Variants in CCSER1 observed in about 807,000 individuals in gnomAD.
The protein encoded by CCSER1 is serine-rich coiled-coil domain-containing protein 1.
Under a neutral mutation model 82.0 loss-of-function variants are expected in CCSER1, and 41 were observed. That is an observed-to-expected ratio of 0.50 (90% CI 0.39 to 0.65). CCSER1 has a LOEUF of 0.65. Ranked by LOEUF, CCSER1 falls within the 30% of genes least tolerant of loss-of-function variation. The pLI, the probability that CCSER1 is intolerant of heterozygous loss-of-function variation, is 0.00. For synonymous variants in CCSER1, 414 were observed against 383.9 expected (o/e 1.08, Z -0.92); for missense variants, 1,119 against 1,064.2 (o/e 1.05, Z -0.72).
Position 91,599,030 on chromosome 4 carries a change from G to A in CCSER1, c.2676G>A (p.Leu892=). ...ACCACAATTTACACAGCACTGAGCT[G>A]CAAACTCTAGGCCAGCAGGATGGGT... ...FLHHNLHSTE[L]QTLGQQDG Residue 892 remains leucine (L), a synonymous_variant, in exon 11 of 11, where the codon CTG becomes CTA. Coordinates refer to ENST00000509176, the MANE Select transcript of CCSER1 (RefSeq NM_001145065.2). 6.5e-7 allele frequency: 1 copy of A among 1,545,864 alleles called. No homozygotes were observed.
chr4:90,299,086 C>G (rs920950343), intron 1 of CCSER1, among the ~76,000 whole-genome samples: 5 of 150,976 alleles, frequency 3.3e-5, no homozygotes, highest in African/African-American at 9.7e-5. Context: ...TTATGTCTTT[C>G]TAAATATATA....
In CCSER1 at chr4:91,441,392, C is replaced by A. The variant is rs1357181209; in HGVS notation, c.2218-157180C>A. On this transcript the variant is annotated intron_variant, in intron 10 of 10. Transcript: ENST00000509176. ...AACCACATGATTATCTCAATAGATG[C>A]AGAAAAGGCCTTTGACAAAATTCAA... 4.8e-5 allele frequency among the ~76,000 whole-genome samples: 7 copies of A among 146,994 alleles called. No individual in the cohort carries two copies. In the East Asian group the frequency reaches 1.4e-3, roughly 30 times the overall value.
intron 5 of CCSER1, among the ~76,000 whole-genome samples, chr4:90,594,605 C>G (rs1783092553): frequency 6.6e-6 from 1 of 152,070 alleles, no homozygotes; most frequent in South Asian, 2.1e-4. Context: ...CATTTCTTCA[C>G]TATATTATGT....
At chr4:90,584,448 G>A (rs7688318) in intron 5 of CCSER1, among the ~76,000 whole-genome samples, 2,629 of 152,198 alleles carry the variant, frequency 0.017, 78 homozygotes, top group African/African-American at 0.057. Flanking sequence ...AAAAGCTTGG[G>A]GGTGAATTTC....
chr4:91,319,599 T>A (rs1034702645), intron 10 of CCSER1: 11 of 451,446 alleles, frequency 2.4e-5, no homozygotes, highest in Non-Finnish European at 4.4e-5. Context: ...GAAGCAATAG[T>A]TGGTGCAGAA....
chr4:90,771,363 G>GGACC (rs1165053565), intron 7 of CCSER1, among the ~76,000 whole-genome samples: 2 of 150,906 alleles, frequency 1.3e-5, no homozygotes, highest in Non-Finnish European at 3.0e-5. Flanking sequence ...TATTATTGAG[G>GGACC]GACCACTTTT....
In CCSER1 at chr4:90,683,740, A is replaced by G. The variant is rs77043537; in HGVS notation, c.1933-40174A>G. Among the ~76,000 whole-genome samples the G allele has an allele frequency of 6.0e-4, 91 of 152,218 alleles. 1 individual carries two copies. In the East Asian group the frequency reaches 0.014, roughly 24 times the overall value. ...GAAAATAGCATACCTATTTAAATCAAGAAAAGGTAGTTTTTCTTTAAAATG... is the reference window on the plus strand; with the variant it reads ...GAAAATAGCATACCTATTTAAATCAGGAAAAGGTAGTTTTTCTTTAAAATG... On this transcript the variant is annotated intron_variant, in intron 6 of 10. Coordinates refer to ENST00000509176, the MANE Select transcript of CCSER1 (RefSeq NM_001145065.2).
At chr4:91,124,694 C>G (rs138236559) in intron 10 of CCSER1, among the ~76,000 whole-genome samples, 1 of 151,742 alleles carries the variant, frequency 6.6e-6, no homozygotes, top group Non-Finnish European at 1.5e-5. Context: ...TTTTTATATT[C>G]CAGTGCCTAG....
At chr4:90,140,016 TC>T (rs1251851851) in intron 1 of CCSER1, among the ~76,000 whole-genome samples, 2 of 151,994 alleles carry the variant, frequency 1.3e-5, no homozygotes, top group Non-Finnish European at 2.9e-5. Context: ...GCAAAAGATC[TC>T]GGTAATCATC....
intron 10 of CCSER1, among the ~76,000 whole-genome samples, chr4:91,356,352 G>T (rs1748833881): frequency 6.6e-6 from 1 of 152,196 alleles, no homozygotes; most frequent in Admixed American, 6.5e-5. Context: ...AATAGATGTA[G>T]TTTATCTAAT....
intron 6 of CCSER1, among the ~76,000 whole-genome samples, chr4:90,686,607 A>T (rs1039185857): frequency 6.6e-6 from 1 of 152,116 alleles, no homozygotes. Flanking sequence ...GCCTTCTGAT[A>T]GATCAGCTTT....
At chr4:91,186,925 C>T (rs1249080407) in intron 10 of CCSER1, among the ~76,000 whole-genome samples, 1 of 152,212 alleles carries the variant, frequency 6.6e-6, no homozygotes. Context: ...CCAGCATGGG[C>T]ATTAGGGCCA....
At chr4:90,370,793 C>CA (rs755113734) in intron 3 of CCSER1, among the ~76,000 whole-genome samples, 1 of 151,974 alleles carries the variant, frequency 6.6e-6, no homozygotes, top group African/African-American at 2.4e-5. Flanking sequence ...AAGGATTCTG[C>CA]AGATTTAAAG....
At chr4:90,280,636 A>G (rs146398262) in intron 1 of CCSER1, among the ~76,000 whole-genome samples, 11 of 152,136 alleles carry the variant, frequency 7.2e-5, no homozygotes, top group East Asian at 3.9e-4. Context: ...TCAAGAGTCT[A>G]TAAATCAGAT....
chr4:91,415,285 T>G (rs1457255293), intron 10 of CCSER1, among the ~76,000 whole-genome samples: 1 of 152,176 alleles, frequency 6.6e-6, no homozygotes. Context: ...CTGAAGTGGC[T>G]AATCAGCTTA....
chr4:90,736,337 A>G (rs966578505), intron 7 of CCSER1, among the ~76,000 whole-genome samples: 8 of 151,996 alleles, frequency 5.3e-5, no homozygotes, highest in Non-Finnish European at 1.0e-4. Context: ...TATTGGAGTC[A>G]ATCTCTCTCT....
At chr4:91,513,404 G>T (rs1759930999) in intron 10 of CCSER1, among the ~76,000 whole-genome samples, 1 of 152,108 alleles carries the variant, frequency 6.6e-6, no homozygotes, top group Non-Finnish European at 1.5e-5. Context: ...GTTCAGCAGG[G>T]ATATTAGCCT....
At chr4:90,604,628 C>A (rs997172190) in intron 5 of CCSER1, among the ~76,000 whole-genome samples, 2 of 152,202 alleles carry the variant, frequency 1.3e-5, no homozygotes, top group Non-Finnish European at 2.9e-5. Context: ...GCCAGCTGGG[C>A]TCCTGAGTCA....
chr4:90,692,961 C>G (rs1579963100), intron 6 of CCSER1, among the ~76,000 whole-genome samples: 1 of 151,790 alleles, frequency 6.6e-6, no homozygotes, highest in Non-Finnish European at 1.5e-5. Flanking sequence ...AGATGTTTGT[C>G]TCTTTATTTG....
Sources: allele counts gnomAD v4.1 joint callset (sites outside exome capture counted in the v4.1 genomes callset), GRCh38; gene constraint gnomAD v4.1.1; transcripts MANE v1.5; gene names NCBI Gene and HGNC (gene_info 2026-07-23, HGNC 2026-07-21).